CFAP44: variants seen among roughly 807,000 people sequenced by gnomAD.
CFAP44 encodes cilia- and flagella-associated protein 44.
A neutral mutation model predicts 216.2 loss-of-function variants in CFAP44; 134 were observed. The ratio of observed to expected loss-of-function variants is 0.62; its 90% CI spans 0.54 to 0.72. The LOEUF is 0.72. Ranked by LOEUF, CFAP44 falls within the 30% of genes least tolerant of loss-of-function variation. The probability of loss-of-function intolerance (pLI) is 0.00; values close to 1 mark genes in which losing one functional copy is unlikely to be tolerated. For synonymous variants in CFAP44, 700 were observed against 727.6 expected, an observed-to-expected ratio of 0.96 and a Z score of 0.61; for missense variants, 2,035 against 2,182.1, an observed-to-expected ratio of 0.93 and a Z score of 1.34.
intron 34 of CFAP44, among the ~76,000 whole-genome samples, chr3:113,292,463 A>T (rs1304888324): frequency 1.3e-5 from 2 of 152,224 alleles, no homozygotes; most frequent in Non-Finnish European, 2.9e-5. Context: ...TTTCTACATA[A>T]GTAGATGCTC....
chr3:113,374,399 A>T (rs1050272159), intron 17 of CFAP44, among the ~76,000 whole-genome samples: 7 of 146,566 alleles, frequency 4.8e-5, no homozygotes, highest in African/African-American at 7.7e-5. Flanking sequence ...TTATTTATTT[A>T]TTATTATACT....
intron 28 of CFAP44, among the ~76,000 whole-genome samples, chr3:113,313,478 T>C (rs1020588417): frequency 2.6e-5 from 4 of 152,198 alleles, no homozygotes; most frequent in Non-Finnish European, 5.9e-5. Flanking sequence ...GTTAAGACTT[T>C]GAGGGACTGT....
Position 113,380,895 on chromosome 3 carries a change from A to T in CFAP44, c.2052+4T>A. 1 of 1,567,794 alleles carries T rather than the reference A, an allele frequency of 6.4e-7. No individual in the cohort carries two copies. The highest frequency in any genetic ancestry group is 1.2e-5 in the South Asian group (1 of 80,896). ...TAAGATAATGCTTCAGGAATATTCC[A>T]TACCAGAATCTTAGATTTGACACTT... On this transcript the variant is annotated splice_donor_region_variant and intron_variant, in intron 16 of 34. Transcript: ENST00000393845.
Position 113,411,734 on chromosome 3 carries a change from G to C in CFAP44, c.674-2412C>G, listed in dbSNP as rs542732805. ...TTGAATCTATAAATTACCTTGGGCA[G>C]TATGGCCATGTTCATGATATTGATT... On this transcript the variant is annotated intron_variant, in intron 6 of 34. Coordinates refer to ENST00000393845, the MANE Select transcript of CFAP44 (RefSeq NM_001164496.2). 5.9e-5 allele frequency among the ~76,000 whole-genome samples: 9 copies of C among 152,294 alleles called. No individual in the cohort carries two copies. The South Asian group carries it at 1.9e-3, about 32-fold the overall frequency.
At chr3:113,332,013 T>C (rs1253110955) in intron 25 of CFAP44, among the ~76,000 whole-genome samples, 6 of 152,196 alleles carry the variant, frequency 3.9e-5, no homozygotes, top group African/African-American at 1.4e-4. Context: ...GGCTATTAAG[T>C]GGCAGAGATG....
intron 24 of CFAP44, 27 bp from the exon 25 acceptor site, chr3:113,333,610 A>C (rs77521876): frequency 0.036 from 52,622 of 1,478,550 alleles, 1,188 homozygotes; most frequent in East Asian, 0.1. Context: ...CAACCCCCCC[A>C]CACACAAATA....
Position 113,344,591 on chromosome 3 carries a change from AT to A in CFAP44, c.3186del (p.Gln1062HisfsTer37). ...SKYSKFKRAS[Q>X]SERKPSKLDR... is the part of the protein sequence containing the mutation. ...TCCAATTTGCTTGGTTTTCTCTCTG[AT>A]TGACTAGCTCGTTTGAATTTGGAGT... On this transcript the variant is annotated frameshift_variant, in exon 23 of 35. Coordinates refer to ENST00000393845, the MANE Select transcript of CFAP44 (RefSeq NM_001164496.2). LOFTEE classifies it high-confidence loss of function. The A allele has an allele frequency of 6.5e-7, 1 of 1,536,992 alleles. No individual in the cohort carries two copies. Among genetic ancestry groups the A allele is most frequent in the Non-Finnish European group, 8.7e-7 (1 of 1,146,806 alleles).
chr3:113,318,957 C>CAA (rs59028965), intron 28 of CFAP44, among the ~76,000 whole-genome samples: 31 of 144,728 alleles, frequency 2.1e-4, no homozygotes, highest in South Asian at 4.4e-4. Flanking sequence ...AATAAAAAAA[C>CAA]AAAAAAAAAC....
rs1385150049 is a variant in CFAP44 at position 113,344,673 on chromosome 3, A to G, written c.3105T>C (p.His1035=). 3.3e-6 allele frequency: 5 copies of G among 1,529,732 alleles called. No homozygotes were observed. In the South Asian group the frequency reaches 4.9e-5, roughly 15 times the overall value. The allele number at this position is 1,529,732 out of a possible 1,614,324, so 94.8% of individuals were successfully genotyped here. Residue 1035 remains histidine, a synonymous_variant, in exon 23 of 35, where the codon CAT becomes CAC. Coordinates refer to ENST00000393845, the MANE Select transcript of CFAP44 (RefSeq NM_001164496.2). ...DPLESDTIVV[H]AILSDHKISS... ...ATATCTTGTGGTCACTCAGTATGGC[A>G]TGAACCACAATAGTATCACTTTCCA...
At chr3:113,410,285 G>A (rs1576596213) in intron 6 of CFAP44, among the ~76,000 whole-genome samples, 1 of 152,094 alleles carries the variant, frequency 6.6e-6, no homozygotes, top group East Asian at 1.9e-4. Context: ...ATCTCCTAAT[G>A]CTATCCCTAC....
At chr3:113,376,071 T>A (rs1158262213) in intron 17 of CFAP44, among the ~76,000 whole-genome samples, 3 of 152,210 alleles carry the variant, frequency 2.0e-5, no homozygotes, top group African/African-American at 7.2e-5. Context: ...AGTACTTTTT[T>A]AAAAGACAAA....
At chr3:113,336,459 T>C (rs1404547224) in intron 24 of CFAP44, among the ~76,000 whole-genome samples, 3 of 152,002 alleles carry the variant, frequency 2.0e-5, no homozygotes, top group Non-Finnish European at 2.9e-5. Flanking sequence ...ATTGACAACT[T>C]AGATGAAATG....
In CFAP44 at chr3:113,327,715, G is replaced by T. The variant is rs1340709003; in HGVS notation, c.4221C>A (p.Thr1407=). The change falls in exon 27 of 35, where the codon ACC becomes ACA. Residue 1407 remains threonine (T), a synonymous_variant. Transcript: ENST00000393845. ...QMKLSDLHHV[T]LFQEILLLKN... ...TCAGGAGAAGTATTTCTTGAAATAAGGTGACATGGTGCAGGTCAGATAATT... is the reference window on the plus strand; with the variant it reads ...TCAGGAGAAGTATTTCTTGAAATAATGTGACATGGTGCAGGTCAGATAATT... 1 of 1,536,848 alleles carries T rather than the reference G, an allele frequency of 6.5e-7. No homozygotes were observed. Among genetic ancestry groups the T allele is most frequent in the South Asian group, 1.2e-5 (1 of 84,038 alleles).
At chr3:113,399,673 A>G (rs935855615) in intron 13 of CFAP44, among the ~76,000 whole-genome samples, 5 of 152,238 alleles carry the variant, frequency 3.3e-5, no homozygotes, top group Non-Finnish European at 7.3e-5. Context: ...GCTTTGCAAC[A>G]TGAAACTGTT....
intron 6 of CFAP44, among the ~76,000 whole-genome samples, chr3:113,410,517 T>C (rs186322055): frequency 6.6e-6 from 1 of 152,238 alleles, no homozygotes; most frequent in Non-Finnish European, 1.5e-5. Flanking sequence ...CATGGTTATA[T>C]GTGCCACATT....
At chr3:113,352,065 G>C (rs1211190710) in intron 22 of CFAP44, among the ~76,000 whole-genome samples, 1 of 152,166 alleles carries the variant, frequency 6.6e-6, no homozygotes, top group Non-Finnish European at 1.5e-5. Context: ...GTTTAGAGGG[G>C]GGATTGAGAG....
chr3:113,407,129 G>T, intron 7 of CFAP44, 88 bp from the exon 8 acceptor site: 1 of 954,044 alleles, frequency 1.0e-6, no homozygotes. Context: ...ATATTTCATA[G>T]TTGCATATAT....
intron 13 of CFAP44, among the ~76,000 whole-genome samples, chr3:113,398,318 A>G (rs6771972): frequency 0.24 from 35,796 of 152,104 alleles, 5,404 homozygotes; most frequent in Middle Eastern, 0.35. Flanking sequence ...CCCTAACTCT[A>G]CTTGAAGGTA....
chr3:113,440,549 A>C (rs886730815), intron 1 of CFAP44, among the ~76,000 whole-genome samples: 2 of 151,564 alleles, frequency 1.3e-5, no homozygotes, highest in Non-Finnish European at 2.9e-5. Context: ...CTTCATTCCT[A>C]CTGTCCCTGC....
Sources: allele counts gnomAD v4.1 joint callset (sites outside exome capture counted in the v4.1 genomes callset), GRCh38; gene constraint gnomAD v4.1.1; transcripts MANE v1.5; gene names NCBI Gene and HGNC (gene_info 2026-07-23, HGNC 2026-07-21).